NBAS: variants seen among roughly 807,000 people sequenced by gnomAD.
The protein encoded by NBAS is NAG/BC035112 fusion.
NBAS carries 219 observed loss-of-function variants against 302.5 expected under a neutral mutation model. The observed-to-expected ratio is 0.72, with a 90% confidence interval of 0.65 to 0.81. The LOEUF is 0.81. Ranked by LOEUF, NBAS falls within the 30% of genes least tolerant of loss-of-function variation. The pLI, the probability that NBAS is intolerant of heterozygous loss-of-function variation, is 0.00. For synonymous variants in NBAS, 1,118 were observed against 1,021.6 expected (o/e 1.09, Z -1.80); for missense variants, 2,932 against 2,841.6 (o/e 1.03, Z -0.72).
At chr2:15,306,058 G>T (rs972578627) in intron 40 of NBAS, among the ~76,000 whole-genome samples, 15 of 152,154 alleles carry the variant, frequency 9.9e-5, no homozygotes, top group African/African-American at 3.4e-4. Context: ...TAGAGTTTTA[G>T]AGGAAATTAT....
the NBAS span, among the ~76,000 whole-genome samples, chr2:14,999,932 A>T: frequency 6.6e-6 from 1 of 152,242 alleles, no homozygotes; most frequent in African/African-American, 2.4e-5. Context: ...AGTGTATACC[A>T]GATGATGTGG....
the NBAS span, among the ~76,000 whole-genome samples, chr2:14,818,305 G>T: frequency 6.6e-6 from 1 of 151,972 alleles, no homozygotes; most frequent in Non-Finnish European, 1.5e-5. Context: ...CATGTGAAGG[G>T]GTGTGTGTGT....
the NBAS span, among the ~76,000 whole-genome samples, chr2:14,875,379 G>A: frequency 6.6e-6 from 1 of 152,152 alleles, no homozygotes; most frequent in Non-Finnish European, 1.5e-5. Context: ...CAGCATTTTG[G>A]GAGGGCAGGT....
chr2:15,507,836 T>C (rs138014202), intron 10 of NBAS, among the ~76,000 whole-genome samples: 1 of 152,322 alleles, frequency 6.6e-6, no homozygotes, highest in Non-Finnish European at 1.5e-5. Flanking sequence ...CTATCTCACA[T>C]AGATGACACT....
At chr2:14,794,050 T>TA in the NBAS span, among the ~76,000 whole-genome samples, 7 of 152,098 alleles carry the variant, frequency 4.6e-5, no homozygotes, top group African/African-American at 1.4e-4. Context: ...AAAGACTGCC[T>TA]AAAAAAAATT....
intron 48 of NBAS, among the ~76,000 whole-genome samples, chr2:15,205,351 GACA>G (rs1666089137): frequency 6.6e-6 from 1 of 151,698 alleles, no homozygotes; most frequent in Non-Finnish European, 1.5e-5. Context: ...AGGAAGAGAA[GACA>G]ACAACACAAA....
intron 41 of NBAS, among the ~76,000 whole-genome samples, chr2:15,288,759 A>G (rs1161867595): frequency 6.6e-6 from 1 of 152,198 alleles, no homozygotes; most frequent in African/African-American, 2.4e-5. Context: ...CAGAAAAGAA[A>G]TCTCTTACTA....
the NBAS span, among the ~76,000 whole-genome samples, chr2:14,966,994 C>G: frequency 2.6e-5 from 4 of 152,024 alleles, no homozygotes; most frequent in Admixed American, 1.3e-4. Flanking sequence ...TTTATATACA[C>G]TAATAAAAAT....
At chr2:15,197,434 T>C (rs970444) in intron 48 of NBAS, among the ~76,000 whole-genome samples, 90,116 of 152,110 alleles carry the variant, frequency 0.59, 29,641 homozygotes, top group African/African-American at 0.87. Flanking sequence ...GTCTACTTCA[T>C]AGGGTTATAT....
At chr2:15,329,980 G>A (rs1672248857) in intron 36 of NBAS, among the ~76,000 whole-genome samples, 4 of 152,192 alleles carry the variant, frequency 2.6e-5, no homozygotes, top group Non-Finnish European at 5.9e-5. Flanking sequence ...GAATTAGACT[G>A]AAGTGTTTCT....
At chr2:15,170,147 G>A (rs1410578592) in intron 51 of NBAS, among the ~76,000 whole-genome samples, 1 of 152,204 alleles carries the variant, frequency 6.6e-6, no homozygotes, top group East Asian at 1.9e-4. Context: ...CAGTCTCCTA[G>A]AGAGGTAGTG....
chr2:14,807,627 C>T, the NBAS span, among the ~76,000 whole-genome samples: 1 of 152,116 alleles, frequency 6.6e-6, no homozygotes, highest in South Asian at 2.1e-4. Context: ...CAGGATTTGA[C>T]ACACTTATCT....
At chr2:15,401,651 CAT>C (rs1224978923) in intron 26 of NBAS, among the ~76,000 whole-genome samples, 3 of 152,068 alleles carry the variant, frequency 2.0e-5, no homozygotes, top group Non-Finnish European at 4.4e-5. Flanking sequence ...CCAAAGAAAA[CAT>C]ACAAATTTGA....
chr2:15,428,758 T>C (rs2148486663), intron 21 of NBAS, among the ~76,000 whole-genome samples: 1 of 151,916 alleles, frequency 6.6e-6, no homozygotes, highest in Non-Finnish European at 1.5e-5. Flanking sequence ...TAAGAATAAA[T>C]TAAGGCCAGG....
In NBAS at chr2:15,352,029, A is replaced by G; in HGVS notation, c.4142T>C (p.Ile1381Thr). 2 of 1,612,424 alleles carry G rather than the reference A, an allele frequency of 1.2e-6. No individual in the cohort carries two copies. Among genetic ancestry groups the G allele is most frequent in the South Asian group, 1.1e-5 (1 of 91,026 alleles). The change falls in exon 35 of 52, where the codon ATC becomes ACC. Residue 1381 changes from isoleucine (I) to threonine (T), a missense_variant. By Grantham distance (89) the Ile-to-Thr change is moderately conservative. Transcript: ENST00000281513. ...FQIHHEGGENISASPLTSKAV... is the reference protein window; with the variant it reads ...FQIHHEGGENTSASPLTSKAV... ...TTTACTAGTTAATGGTGAAGCACTGATATTTTCCCCTCCTTCATGATGGAT... is the reference window on the plus strand; with the variant it reads ...TTTACTAGTTAATGGTGAAGCACTGGTATTTTCCCCTCCTTCATGATGGAT...
intron 47 of NBAS, among the ~76,000 whole-genome samples, chr2:15,224,439 A>C (rs1279747210): frequency 6.6e-6 from 1 of 152,230 alleles, no homozygotes; most frequent in Non-Finnish European, 1.5e-5. Context: ...ATTTCTTGTA[A>C]ATATAAATGT....
chr2:15,220,264 C>T (rs1666892872), intron 47 of NBAS, among the ~76,000 whole-genome samples: 5 of 151,298 alleles, frequency 3.3e-5, no homozygotes, highest in South Asian at 4.2e-4. Flanking sequence ...CGGGCAGAGG[C>T]GCCCCTCACC....
the NBAS span, among the ~76,000 whole-genome samples, chr2:14,819,075 C>A: frequency 1.3e-5 from 2 of 152,196 alleles, no homozygotes; most frequent in Non-Finnish European, 2.9e-5. Context: ...TCTGTCATAA[C>A]CCTCTTGCCC....
chr2:15,283,709 TCA>T (rs1669920630), intron 42 of NBAS, among the ~76,000 whole-genome samples: 1 of 152,136 alleles, frequency 6.6e-6, no homozygotes, highest in African/African-American at 2.4e-5. Context: ...TATACATTTT[TCA>T]CAGATTTTCT....
Sources: allele counts gnomAD v4.1 joint callset (sites outside exome capture counted in the v4.1 genomes callset), GRCh38; gene constraint gnomAD v4.1.1; transcripts MANE v1.5; gene names NCBI Gene and HGNC (gene_info 2026-07-23, HGNC 2026-07-21).